The following HCN1 variants were observed in gnomAD, a reference collection of about 807,000 sequenced individuals.
The protein encoded by HCN1 is potassium/sodium hyperpolarization-activated cyclic nucleotide-gated channel 1.
Under a neutral mutation model 78.9 loss-of-function variants are expected in HCN1, and 13 were observed. The observed-to-expected ratio is 0.16, with a 90% confidence interval of 0.11 to 0.26. The LOEUF (loss-of-function observed/expected upper bound fraction) is 0.26. HCN1 is among the 10% of genes least tolerant of loss of function. The pLI is 1.00. For synonymous variants in HCN1, 552 were observed against 455.5 expected (o/e 1.21, Z -2.70); for missense variants, 810 against 1,154.3 (o/e 0.70, Z 4.32).
At chr5:45,332,850 A>G (rs1327969463) in intron 5 of HCN1, among the ~76,000 whole-genome samples, 11 of 151,598 alleles carry the variant, frequency 7.3e-5, no homozygotes, top group Admixed American at 5.9e-4. Context: ...AAAGTAATTC[A>G]TTTTGTATAA....
intron 4 of HCN1, among the ~76,000 whole-genome samples, chr5:45,388,844 C>A (rs1014159861): frequency 6.6e-6 from 1 of 152,038 alleles, no homozygotes; most frequent in African/African-American, 2.4e-5. Flanking sequence ...TAGTATTTTT[C>A]AATATATAAT....
chr5:45,539,428 C>T (rs1232118904), intron 2 of HCN1, among the ~76,000 whole-genome samples: 1 of 150,878 alleles, frequency 6.6e-6, no homozygotes, highest in Non-Finnish European at 1.5e-5. Flanking sequence ...TTTGGGAGGC[C>T]GAGGTGGGCG....
rs191409982 is a variant in HCN1 at position 45,587,456 on chromosome 5, A to G, written c.849+57729T>C. On this transcript the variant is annotated intron_variant, in intron 2 of 7. Transcript: ENST00000303230. ...CAGCAAACTATCGCAAGGACAAAAA[A>G]CCAAACACTGCATGTTCTCACTCAC... Among the ~76,000 whole-genome samples the G allele has an allele frequency of 3.1e-3, 469 of 151,956 alleles. 1 individual carries two copies. Among genetic ancestry groups the G allele is most frequent in the Middle Eastern group, 0.014 (4 of 292 alleles).
intron 2 of HCN1, among the ~76,000 whole-genome samples, chr5:45,595,048 A>G (rs567850564): frequency 2.6e-5 from 4 of 152,310 alleles, no homozygotes; most frequent in African/African-American, 7.2e-5. Flanking sequence ...TATCCAGGAA[A>G]AGAAAGACAA....
At chr5:45,264,993 G>A (rs764696981) in intron 7 of HCN1, among the ~76,000 whole-genome samples, 21 of 152,128 alleles carry the variant, frequency 1.4e-4, no homozygotes, top group Non-Finnish European at 2.1e-4. Context: ...GGTCAAGACC[G>A]TCCTGGCCAA....
chr5:45,487,746 AAGT>A (rs1173458521), intron 2 of HCN1, among the ~76,000 whole-genome samples: 1 of 152,100 alleles, frequency 6.6e-6, no homozygotes, highest in Non-Finnish European at 1.5e-5. Flanking sequence ...CAGTATTATG[AAGT>A]AGTATGTTAC....
rs2112096508 is a variant in HCN1, at chr5:45,686,190, CCAAA to C, written c.425+9475_425+9478del. On this transcript the variant is annotated intron_variant, in intron 1 of 7. Coordinates refer to ENST00000303230, the MANE Select transcript of HCN1 (RefSeq NM_021072.4). The stretch of plus-strand genomic sequence containing the variant: ...AAGGTGGTGAAGCTCAGATTCTGAC[CCAAA>C]CAGTTCCTAATATTGTTACCTCAAA... Among the ~76,000 whole-genome samples, 2 of 151,224 alleles carry C rather than the reference CCAAA, an allele frequency of 1.3e-5. 1 individual carries two copies. Among genetic ancestry groups the C allele is most frequent in the South Asian group, 4.2e-4 (2 of 4,804 alleles).
intron 2 of HCN1, among the ~76,000 whole-genome samples, chr5:45,622,083 G>A (rs527985800): frequency 2.6e-5 from 4 of 151,980 alleles, no homozygotes; most frequent in African/African-American, 7.2e-5. Context: ...TTAGCCAGAC[G>A]TGGTGGCGGG....
intron 5 of HCN1, among the ~76,000 whole-genome samples, chr5:45,328,451 C>G (rs1005914059): frequency 6.6e-6 from 1 of 151,558 alleles, no homozygotes; most frequent in Admixed American, 6.6e-5. Flanking sequence ...ACTTAATTAC[C>G]TCTTCAAATA....
chr5:45,648,434 CATA>C (rs1347161709), intron 1 of HCN1, among the ~76,000 whole-genome samples: 3 of 151,712 alleles, frequency 2.0e-5, no homozygotes, highest in African/African-American at 7.3e-5. Context: ...TGTTAAACCC[CATA>C]ATATCCTTTT....
At chr5:45,509,740 A>T (rs549921092) in intron 2 of HCN1, among the ~76,000 whole-genome samples, 2 of 152,108 alleles carry the variant, frequency 1.3e-5, no homozygotes, top group African/African-American at 4.8e-5. Flanking sequence ...TTTTCAAGGA[A>T]TTTTTTTTCA....
chr5:45,582,458 A>G (rs1268161641), intron 2 of HCN1, among the ~76,000 whole-genome samples: 4 of 152,286 alleles, frequency 2.6e-5, no homozygotes, highest in Non-Finnish European at 5.9e-5. Flanking sequence ...CAATCATGTC[A>G]TCTGCAAACA....
intron 6 of HCN1, among the ~76,000 whole-genome samples, chr5:45,279,524 G>C (rs989187571): frequency 3.3e-5 from 5 of 152,048 alleles, no homozygotes; most frequent in Non-Finnish European, 7.4e-5. Flanking sequence ...ATGTTTTATT[G>C]CAGAAAATTG....
intron 2 of HCN1, among the ~76,000 whole-genome samples, chr5:45,614,123 T>C (rs17344896): frequency 0.072 from 10,939 of 152,246 alleles, 574 homozygotes; most frequent in Middle Eastern, 0.15. Flanking sequence ...CTGTTGTTCA[T>C]GTGATACTCA....
intron 2 of HCN1, among the ~76,000 whole-genome samples, chr5:45,618,795 T>C (rs143034766): frequency 1.3e-5 from 2 of 151,886 alleles, no homozygotes; most frequent in Non-Finnish European, 2.9e-5. Context: ...AATGGCTAGA[T>C]GAATGGTGCT....
intron 6 of HCN1, among the ~76,000 whole-genome samples, chr5:45,282,366 C>T (rs1318032770): frequency 2.0e-5 from 3 of 152,120 alleles, no homozygotes; most frequent in African/African-American, 2.4e-5. Flanking sequence ...CTTGAAAATA[C>T]ATTGAAAAGT....
At chr5:45,573,648 C>T (rs904295438) in intron 2 of HCN1, among the ~76,000 whole-genome samples, 1 of 151,914 alleles carries the variant, frequency 6.6e-6, no homozygotes, top group Admixed American at 6.6e-5. Context: ...TTGAAAATTG[C>T]TCCCCTAATG....
intron 7 of HCN1, among the ~76,000 whole-genome samples, chr5:45,263,266 G>T (rs1008030269): frequency 6.6e-6 from 1 of 152,050 alleles, no homozygotes; most frequent in Non-Finnish European, 1.5e-5. Flanking sequence ...TATGTAACCC[G>T]CGACCCTGTC....
intron 1 of HCN1, among the ~76,000 whole-genome samples, chr5:45,678,864 A>G (rs1739648696): frequency 6.6e-6 from 1 of 151,940 alleles, no homozygotes; most frequent in Non-Finnish European, 1.5e-5. Flanking sequence ...TTTTGCAAAA[A>G]CAAATGAGCA....
Sources: gnomAD v4.1 joint callset for allele counts (sites outside exome capture counted in the v4.1 genomes callset) on GRCh38, gnomAD v4.1.1 for gene constraint, MANE v1.5 for transcripts, NCBI Gene and HGNC (gene_info 2026-07-23, HGNC 2026-07-21) for gene names.